Variants in PLCL2 observed in about 807,000 individuals in gnomAD.
PLCL2 encodes the protein phospholipase C like 2.
In PLCL2, 4 loss-of-function variants were observed where a neutral mutation model predicts 79.6. That is an observed-to-expected ratio of 0.05 (90% CI 0.02 to 0.11). The LOEUF (loss-of-function observed/expected upper bound fraction) is 0.11. PLCL2 is among the 10% of genes least tolerant of loss of function. PLCL2 has a pLI of 1.00. For missense variants in PLCL2, 895 were observed against 1,291.0 expected (o/e 0.69, Z 4.70); for synonymous variants, 484 against 457.7 (o/e 1.06, Z -0.73).
intron 1 of PLCL2, among the ~76,000 whole-genome samples, chr3:16,899,885 C>A (rs114569530): frequency 6.8e-6 from 1 of 146,276 alleles, no homozygotes. Context: ...TTAGAGGGCA[C>A]GTTTACTTTT....
intron 1 of PLCL2, among the ~76,000 whole-genome samples, chr3:16,983,081 T>C (rs115098486): frequency 0.01 from 1,591 of 152,326 alleles, 30 homozygotes; most frequent in African/African-American, 0.036. Flanking sequence ...AAATAACATT[T>C]TGAAGAAAAA....
At chr3:16,897,152 G>A (rs932051372) in intron 1 of PLCL2, among the ~76,000 whole-genome samples, 6 of 152,040 alleles carry the variant, frequency 3.9e-5, no homozygotes, top group African/African-American at 1.2e-4. Context: ...TAAGGGAGTC[G>A]AGCTGCCCTT....
At chr3:16,940,392 G>C (rs1423277191) in intron 1 of PLCL2, among the ~76,000 whole-genome samples, 1 of 152,138 alleles carries the variant, frequency 6.6e-6, no homozygotes, top group South Asian at 2.1e-4. Context: ...TCCCACAACT[G>C]TGTAATCTTG....
intron 1 of PLCL2, among the ~76,000 whole-genome samples, chr3:16,964,864 G>T (rs2063789988): frequency 6.6e-6 from 1 of 152,004 alleles, no homozygotes; most frequent in South Asian, 2.1e-4. Context: ...TTTTGATAGG[G>T]TTGTTTGTTT....
chr3:17,071,276 A>G (rs1284306640), intron 5 of PLCL2, among the ~76,000 whole-genome samples: 1 of 152,164 alleles, frequency 6.6e-6, no homozygotes, highest in Admixed American at 6.5e-5. Context: ...TCATTGAAGG[A>G]TGTCTGTCCC....
chr3:17,022,485 C>G (rs540322031), intron 3 of PLCL2, among the ~76,000 whole-genome samples: 2 of 151,836 alleles, frequency 1.3e-5, no homozygotes, highest in East Asian at 1.9e-4. Context: ...TGTCAAGGAC[C>G]CTTACAGGAA....
At chr3:17,042,447 T>TG (rs2064734691) in intron 3 of PLCL2, among the ~76,000 whole-genome samples, 1 of 152,248 alleles carries the variant, frequency 6.6e-6, no homozygotes, top group Admixed American at 6.5e-5. Context: ...GAATTTCAGA[T>TG]GAAGACATTT....
chr3:16,939,809 G>T (rs367559546), intron 1 of PLCL2, among the ~76,000 whole-genome samples: 1 of 152,062 alleles, frequency 6.6e-6, no homozygotes, highest in Non-Finnish European at 1.5e-5. Context: ...GTTTTCCTAC[G>T]AAGTAACATA....
rs530770950 is a variant in PLCL2, at chr3:17,084,611, A to T, written c.3205-5122A>T. Among the ~76,000 whole-genome samples the T allele has an allele frequency of 7.9e-5, 12 of 152,352 alleles. 1 individual carries two copies. The highest frequency in any genetic ancestry group is 7.2e-4 in the Admixed American group (11 of 15,306). On this transcript the variant is annotated intron_variant, in intron 5 of 5. Coordinates refer to ENST00000615277, the MANE Select transcript of PLCL2 (RefSeq NM_001144382.2). ...AAATGGGATTTATACTGGGTATACA[A>T]GGTTGATTTAACTTTTGAAAATCAA...
intron 1 of PLCL2, among the ~76,000 whole-genome samples, chr3:16,979,344 CT>C (rs766576392): frequency 4.1e-4 from 26 of 63,570 alleles, no homozygotes; most frequent in Non-Finnish European, 5.1e-4. Flanking sequence ...AAATCACTTT[CT>C]TTTTTTTTTT....
chr3:16,972,072 C>T (rs1284664014), intron 1 of PLCL2, among the ~76,000 whole-genome samples: 1 of 151,984 alleles, frequency 6.6e-6, no homozygotes, highest in East Asian at 1.9e-4. Flanking sequence ...CAGCCAGTAT[C>T]ATACTGAATG....
chr3:17,067,704 A>G lies in PLCL2; in HGVS notation c.3095-252A>G, dbSNP rs149439372. ...TCCCTTCTCTAAAATAAGAATAACA[A>G]TGATCATAGGTGCCCTGTTTCCCTT... On this transcript the variant is annotated intron_variant, in intron 4 of 5. Coordinates refer to ENST00000615277, the MANE Select transcript of PLCL2 (RefSeq NM_001144382.2). Among the ~76,000 whole-genome samples the G allele has an allele frequency of 3.0e-3, 463 of 152,236 alleles. 2 individuals are homozygous for G. The highest frequency in any genetic ancestry group is 0.011 in the African/African-American group (447 of 41,552).
chr3:17,085,083 C>G (rs2065202880), intron 5 of PLCL2, among the ~76,000 whole-genome samples: 1 of 151,970 alleles, frequency 6.6e-6, no homozygotes, highest in Non-Finnish European at 1.5e-5. Flanking sequence ...GCAATTATGG[C>G]AGGGTTGCAG....
chr3:17,090,217 C>T lies in PLCL2; in HGVS notation c.*305C>T. 1 of 1,039,094 alleles carries T rather than the reference C, an allele frequency of 9.6e-7. No individual in the cohort carries two copies. Among genetic ancestry groups the T allele is most frequent in the South Asian group, 4.6e-5 (1 of 21,836 alleles). 64.4% of individuals were successfully genotyped at this position (1,039,094 alleles called of 1,614,324 possible). On this transcript the variant is annotated 3_prime_UTR_variant, in exon 6 of 6. Coordinates refer to ENST00000615277, the MANE Select transcript of PLCL2 (RefSeq NM_001144382.2). ...CTCTAGCTCCACTGAGAAACATTTT[C>T]CTAAGTGAAAACAATTTCTTAAGAT...
chr3:17,044,248 G>A (rs1575601901), intron 4 of PLCL2: 2 of 152,410 alleles, frequency 1.3e-5, no homozygotes, highest in East Asian at 3.8e-4. Context: ...AGGGAGGAAG[G>A]GAAGGGATGG....
At chr3:17,018,253 G>C (rs1047886130) in intron 3 of PLCL2, among the ~76,000 whole-genome samples, 1 of 152,090 alleles carries the variant, frequency 6.6e-6, no homozygotes, top group African/African-American at 2.4e-5. Context: ...GGTGAGCAAG[G>C]GCCCTAGAGT....
In PLCL2 at chr3:16,887,127, C is replaced by A. The variant is rs1010361406; in HGVS notation, c.327+1761C>A. On this transcript the variant is annotated intron_variant, in intron 1 of 5. Transcript: ENST00000615277. This position sits in a 1 kb window ranked among gnomAD's most constrained non-coding sequence, Gnocchi z 4.1. ...GGGAACTTGTCAATAGATACCATTTCTTAATTGAAGGCTCTAGAAGCACAT... is the reference window on the plus strand; with the variant it reads ...GGGAACTTGTCAATAGATACCATTTATTAATTGAAGGCTCTAGAAGCACAT... 1.3e-5 allele frequency among the ~76,000 whole-genome samples: 2 copies of A among 152,158 alleles called. No homozygotes were observed. The highest frequency in any genetic ancestry group is 2.9e-5 in the Non-Finnish European group (2 of 68,014).
intron 1 of PLCL2, among the ~76,000 whole-genome samples, chr3:16,940,486 G>A (rs941328515): frequency 2.6e-5 from 4 of 152,158 alleles, no homozygotes; most frequent in African/African-American, 9.7e-5. Flanking sequence ...GTAGGTACTG[G>A]GGGCTAGAGG....
In PLCL2 at chr3:17,010,998, A is replaced by C. The variant is rs1381781822; in HGVS notation, c.1652A>C (p.Glu551Ala). Residue 551 changes from glutamate to alanine, a missense_variant, in exon 2 of 6, where the codon GAG becomes GCG. Glu to Ala is a moderately radical substitution (Grantham distance 107). Around this residue, in one of 6 missense-constraint regions of PLCL2, gnomAD observed 242 missense variants for 399.5 expected, o/e 0.61. Transcript: ENST00000615277. The surrounding 1 kb of genome is among the most constrained non-coding windows in gnomAD (Gnocchi z 5.8). Reference protein sequence around the residue: ...DKLYTTSPNVEESYLPSPDVL... With the variant: ...DKLYTTSPNVAESYLPSPDVL... ...CTCTATACAACATCACCCAATGTTG[A>C]GGAATCTTATCTACCATCCCCAGAT... is the stretch of plus-strand genomic sequence containing the variant. 6 of 1,613,784 alleles carry C rather than the reference A, an allele frequency of 3.7e-6. No homozygotes were observed. Among genetic ancestry groups the C allele is most frequent in the Non-Finnish European group, 5.1e-6 (6 of 1,179,834 alleles).
Sources: gnomAD v4.1 joint callset for allele counts (sites outside exome capture counted in the v4.1 genomes callset) on GRCh38, gnomAD v4.1.1 for gene constraint, gnomAD v4.1.1 regional missense constraint, Gnocchi (gnomAD v3.1) non-coding constraint, MANE v1.5 for transcripts, NCBI Gene and HGNC (gene_info 2026-07-23, HGNC 2026-07-21) for gene names.